PDE7B: variants seen among roughly 807,000 people sequenced by gnomAD.
The protein encoded by PDE7B is 3',5'-cyclic-AMP phosphodiesterase 7B.
PDE7B carries 29 observed loss-of-function variants against 56.2 expected under a neutral mutation model. The observed-to-expected ratio is 0.52, with a 90% CI of 0.38 to 0.70. The LOEUF is 0.70. Among genes scored for constraint, PDE7B ranks in the 30% least tolerant of loss-of-function variants. The probability of loss-of-function intolerance (pLI) is 0.00; values close to 1 mark genes in which losing one functional copy is unlikely to be tolerated. For missense variants in PDE7B, 490 were observed against 565.0 expected (o/e 0.87, Z 1.35); for synonymous variants, 197 against 196.9 (o/e 1.00, Z 0.00).
intron 1 of PDE7B, among the ~76,000 whole-genome samples, chr6:135,934,954 ATATAAT>A (rs1774381668): frequency 6.1e-5 from 3 of 49,566 alleles, no homozygotes; most frequent in Non-Finnish European, 1.2e-4. Context: ...ATATATTTAT[ATATAAT>A]ATATATATTT....
At chr6:135,971,029 G>T (rs1200540306) in intron 2 of PDE7B, among the ~76,000 whole-genome samples, 2 of 152,102 alleles carry the variant, frequency 1.3e-5, no homozygotes, top group Non-Finnish European at 2.9e-5. Flanking sequence ...GGATTGAGTT[G>T]TGTCCTGCCA....
At chr6:136,110,034 G>C (rs541418961) in intron 3 of PDE7B, among the ~76,000 whole-genome samples, 1 of 152,124 alleles carries the variant, frequency 6.6e-6, no homozygotes, top group Non-Finnish European at 1.5e-5. Flanking sequence ...CTGATCCTTC[G>C]ATCCTTGAGA....
rs1779287872 is a variant in PDE7B, at chr6:136,194,821, G to A, written c.*2981G>A. On this transcript the variant is annotated 3_prime_UTR_variant, in exon 13 of 13. Coordinates refer to ENST00000308191, the MANE Select transcript of PDE7B (RefSeq NM_018945.4). ...CAGGAGAATCGCTTGAACCTGGGAG[G>A]TGGAAGTTGTAGTGAACTGAGATCG... is the stretch of plus-strand genomic sequence containing the variant. 6.6e-6 allele frequency: 1 copy of A among 152,284 alleles called. No individual in the cohort carries two copies. The highest frequency in any genetic ancestry group is 1.5e-5 in the Non-Finnish European group (1 of 68,112). 9.4% of individuals were successfully genotyped at this position (152,284 alleles called of 1,614,324 possible).
At chr6:135,888,215 T>G (rs1775743882) in intron 1 of PDE7B, among the ~76,000 whole-genome samples, 1 of 152,142 alleles carries the variant, frequency 6.6e-6, no homozygotes, top group Admixed American at 6.6e-5. Flanking sequence ...CTGAGTAACC[T>G]CTTTACAAGA....
intron 2 of PDE7B, among the ~76,000 whole-genome samples, chr6:136,101,897 G>A (rs1377548381): frequency 6.6e-6 from 1 of 152,154 alleles, no homozygotes; most frequent in Non-Finnish European, 1.5e-5. Flanking sequence ...TTTTCCTCAG[G>A]ACATAGTTTT....
intron 3 of PDE7B, among the ~76,000 whole-genome samples, chr6:136,126,591 GTATA>G (rs1778026338): frequency 1.3e-5 from 2 of 152,120 alleles, no homozygotes; most frequent in Admixed American, 6.6e-5. Flanking sequence ...AGAAACTGTG[GTATA>G]TATAAATGAT....
intron 2 of PDE7B, among the ~76,000 whole-genome samples, chr6:136,092,045 G>A (rs1036116626): frequency 8.5e-5 from 13 of 152,234 alleles, no homozygotes; most frequent in African/African-American, 2.6e-4. Context: ...AATTGTCCCC[G>A]ATTATCATCC....
intron 10 of PDE7B, among the ~76,000 whole-genome samples, chr6:136,180,845 C>T (rs1583928930): frequency 1.3e-5 from 2 of 152,200 alleles, no homozygotes; most frequent in Non-Finnish European, 2.9e-5. Context: ...AGTGTGGCTA[C>T]TGTGAGAGTG....
chr6:135,876,186 G>A (rs971162791), intron 1 of PDE7B, among the ~76,000 whole-genome samples: 1 of 152,176 alleles, frequency 6.6e-6, no homozygotes, highest in Non-Finnish European at 1.5e-5. Context: ...TGTGAGAAGA[G>A]TTTGGCATTA....
chr6:136,089,218 A>G (rs1478378790), intron 2 of PDE7B, among the ~76,000 whole-genome samples: 3 of 152,188 alleles, frequency 2.0e-5, no homozygotes, highest in Admixed American at 6.5e-5. Flanking sequence ...TTTAGCTCAT[A>G]ACAACACTAA....
chr6:135,868,421 G>A (rs1170522179), intron 1 of PDE7B, among the ~76,000 whole-genome samples: 1 of 151,054 alleles, frequency 6.6e-6, no homozygotes, highest in East Asian at 1.9e-4. Context: ...ACATCAATTG[G>A]GGAGATAAAC....
intron 2 of PDE7B, among the ~76,000 whole-genome samples, chr6:135,965,499 A>G (rs1774982035): frequency 6.6e-6 from 1 of 152,212 alleles, no homozygotes; most frequent in Non-Finnish European, 1.5e-5. Context: ...ATTTATAAAG[A>G]AAAAGAGGTT....
intron 2 of PDE7B, among the ~76,000 whole-genome samples, chr6:136,008,891 A>G (rs1775837212): frequency 6.6e-6 from 1 of 152,158 alleles, no homozygotes; most frequent in South Asian, 2.1e-4. Flanking sequence ...TTGGTGTTTT[A>G]GACATGAAGT....
chr6:136,128,226 T>C (rs1317309146), intron 3 of PDE7B, among the ~76,000 whole-genome samples: 1 of 152,174 alleles, frequency 6.6e-6, no homozygotes, highest in Non-Finnish European at 1.5e-5. Context: ...CCTATTCAAT[T>C]TACCAGAGTG....
chr6:136,129,875 G>T (rs1778086052), intron 3 of PDE7B, among the ~76,000 whole-genome samples: 1 of 152,176 alleles, frequency 6.6e-6, no homozygotes, highest in Non-Finnish European at 1.5e-5. Flanking sequence ...GATGAGAGAA[G>T]GCAAGAGAAA....
At chr6:135,870,528 C>CA (rs1775358140) in intron 1 of PDE7B, among the ~76,000 whole-genome samples, 1 of 150,228 alleles carries the variant, frequency 6.7e-6, no homozygotes, top group Non-Finnish European at 1.5e-5. Context: ...GTGAAATGTA[C>CA]ATTTCACAAG....
chr6:136,089,128 C>T (rs1777342115), intron 2 of PDE7B, among the ~76,000 whole-genome samples: 1 of 152,146 alleles, frequency 6.6e-6, no homozygotes, highest in South Asian at 2.1e-4. Flanking sequence ...AAATGTGAGA[C>T]ATGATAAGGT....
chr6:136,053,653 A>G (rs898800623), intron 2 of PDE7B, among the ~76,000 whole-genome samples: 7 of 152,130 alleles, frequency 4.6e-5, no homozygotes, highest in Non-Finnish European at 1.0e-4. Context: ...CACAATGGTT[A>G]AGCTAGTTTA....
intron 1 of PDE7B, among the ~76,000 whole-genome samples, chr6:135,852,258 T>G (rs1020107946): frequency 2.0e-5 from 3 of 152,036 alleles, no homozygotes; most frequent in Admixed American, 2.0e-4. Context: ...ACCAGTGTAA[T>G]GAGACTCCGG....
Sources: gnomAD v4.1 joint callset for allele counts (sites outside exome capture counted in the v4.1 genomes callset) on GRCh38, gnomAD v4.1.1 for gene constraint, MANE v1.5 for transcripts, NCBI Gene and HGNC (gene_info 2026-07-23, HGNC 2026-07-21) for gene names.